The following COLGALT2 variants were observed in gnomAD, a reference collection of about 807,000 sequenced individuals.
The protein encoded by COLGALT2 is collagen beta(1-O)galactosyltransferase 2.
Under a neutral mutation model 73.4 loss-of-function variants are expected in COLGALT2, and 49 were observed. That is an observed-to-expected ratio of 0.67 (90% CI 0.53 to 0.85). The LOEUF is 0.85. Among genes scored for constraint, COLGALT2 ranks in the 40% least tolerant of loss-of-function variants. The pLI is 0.00. For missense variants in COLGALT2, 722 were observed against 790.2 expected (o/e 0.91, Z 1.03); for synonymous variants, 295 against 307.6 (o/e 0.96, Z 0.43).
chr1:183,931,311 A>C (rs1669839354), downstream of COLGALT2, among the ~76,000 whole-genome samples: 4 of 152,042 alleles, frequency 2.6e-5, no homozygotes, highest in African/African-American at 4.8e-5. Context: ...CCCACAAACT[A>C]TCTCGGTCAG....
chr1:184,034,084 C>G (rs533873125), intron 1 of COLGALT2, among the ~76,000 whole-genome samples: 1 of 152,308 alleles, frequency 6.6e-6, no homozygotes, highest in African/African-American at 2.4e-5. Context: ...ACATCCTAAA[C>G]TGAGGTACCA....
intron 11 of COLGALT2, among the ~76,000 whole-genome samples, chr1:183,940,102 C>A (rs998513153): frequency 6.6e-6 from 1 of 152,196 alleles, no homozygotes; most frequent in Non-Finnish European, 1.5e-5. Flanking sequence ...CTTACACACC[C>A]CTGCGATTGC....
intron 1 of COLGALT2, among the ~76,000 whole-genome samples, chr1:184,010,983 G>A (rs1376195910): frequency 6.6e-6 from 1 of 152,144 alleles, no homozygotes; most frequent in Non-Finnish European, 1.5e-5. Context: ...AGGAAGGCCT[G>A]TTTTTAATTC....
At chr1:184,030,535 G>A (rs1026773570) in intron 1 of COLGALT2, among the ~76,000 whole-genome samples, 4 of 152,094 alleles carry the variant, frequency 2.6e-5, no homozygotes, top group South Asian at 2.1e-4. Flanking sequence ...ACTTGGAGAC[G>A]GTGCCACACA....
At chr1:183,957,698 A>G (rs1434232348) in intron 6 of COLGALT2, among the ~76,000 whole-genome samples, 2 of 151,690 alleles carry the variant, frequency 1.3e-5, no homozygotes, top group Non-Finnish European at 2.9e-5. Context: ...AGTCACACTC[A>G]ACACTATATT....
At chr1:183,998,408 T>G (rs541342850) in intron 1 of COLGALT2, among the ~76,000 whole-genome samples, 9 of 152,356 alleles carry the variant, frequency 5.9e-5, no homozygotes, top group African/African-American at 2.2e-4. Context: ...ATTATTTCTC[T>G]GTCGGTTGGT....
intron 1 of COLGALT2, among the ~76,000 whole-genome samples, chr1:184,024,901 C>T (rs925832804): frequency 1.5e-4 from 23 of 152,270 alleles, no homozygotes; most frequent in Middle Eastern, 3.4e-3. Context: ...TCTTGGGCCT[C>T]ACAAGAAGAT....
intron 5 of COLGALT2, among the ~76,000 whole-genome samples, chr1:183,968,989 A>G (rs1670957755): frequency 6.6e-6 from 1 of 152,182 alleles, no homozygotes; most frequent in Non-Finnish European, 1.5e-5. Flanking sequence ...CAGTAGCACC[A>G]CAGAGAAGCA....
At chr1:184,014,225 A>C (rs1030965565) in intron 1 of COLGALT2, among the ~76,000 whole-genome samples, 2 of 152,216 alleles carry the variant, frequency 1.3e-5, no homozygotes, top group Non-Finnish European at 2.9e-5. Flanking sequence ...CCAGGGGAAC[A>C]CCACTTTTAA....
intron 1 of COLGALT2, among the ~76,000 whole-genome samples, chr1:184,018,692 T>C (rs1301529476): frequency 1.3e-5 from 2 of 152,164 alleles, no homozygotes; most frequent in Non-Finnish European, 2.9e-5. Context: ...GCACAAAATA[T>C]CTAAGTGAGA....
rs555158732 is a variant in COLGALT2 at position 183,999,346 on chromosome 1, C to T, written c.264-20826G>A. Reference sequence around the variant, plus strand: ...ATGCAGTATCTTTTTGCTATGTTGTCGGATTTGGTTTATTAGTACTTTGCT... The same window carrying T: ...ATGCAGTATCTTTTTGCTATGTTGTTGGATTTGGTTTATTAGTACTTTGCT... On this transcript the variant is annotated intron_variant, in intron 1 of 11. Coordinates refer to ENST00000361927, the MANE Select transcript of COLGALT2 (RefSeq NM_015101.4). Among the ~76,000 whole-genome samples the T allele has an allele frequency of 5.3e-4, 81 of 151,988 alleles. 1 individual carries two copies. In the South Asian group the frequency reaches 0.016, roughly 31 times the overall value.
intron 6 of COLGALT2, among the ~76,000 whole-genome samples, chr1:183,957,862 T>C (rs896417935): frequency 2.0e-5 from 3 of 151,106 alleles, no homozygotes; most frequent in Admixed American, 1.3e-4. Context: ...TACTGAGTGA[T>C]TGGCAGAGCT....
At chr1:183,951,554 CA>C (rs1346647263) in intron 7 of COLGALT2, among the ~76,000 whole-genome samples, 2 of 152,036 alleles carry the variant, frequency 1.3e-5, no homozygotes, top group Admixed American at 1.3e-4. Context: ...TATATGCTAA[CA>C]ACAATCTGAA....
At chr1:184,006,966 T>C (rs950280927) in intron 1 of COLGALT2, among the ~76,000 whole-genome samples, 1 of 152,232 alleles carries the variant, frequency 6.6e-6, no homozygotes, top group African/African-American at 2.4e-5. Context: ...TTGTTCATTC[T>C]AGTTTTACCA....
chr1:183,935,514 CT>C (rs1669929792), downstream of COLGALT2, among the ~76,000 whole-genome samples: 1 of 152,226 alleles, frequency 6.6e-6, no homozygotes, highest in African/African-American at 2.4e-5. Context: ...ATCACAGTAT[CT>C]CAGTATCTTT....
intron 5 of COLGALT2, among the ~76,000 whole-genome samples, chr1:183,967,114 A>G (rs1670897206): frequency 6.6e-6 from 1 of 152,272 alleles, no homozygotes; most frequent in Non-Finnish European, 1.5e-5. Context: ...AGGCTCATTC[A>G]TGTTTCTCTT....
At position 183,973,643 on chromosome 1, in the gene COLGALT2, A is replaced by G. The variant is rs1450160569; in HGVS notation, c.600T>C (p.Ser200=). The G allele has an allele frequency of 6.2e-7, 1 of 1,614,132 alleles. No homozygotes were observed. The highest frequency in any genetic ancestry group is 8.5e-7 in the Non-Finnish European group (1 of 1,180,006). The change falls in exon 4 of 12, where the codon TCT becomes TCC. Residue 200 remains serine, a synonymous_variant. Coordinates refer to ENST00000361927, the MANE Select transcript of COLGALT2 (RefSeq NM_015101.4). ...TAGGGGTGATTCCGCACCAGAAATT[A>G]GAATACAGGCCCCGAGACTCCAGCA... The part of the protein sequence containing the change: ...APMLESRGLY[S]NFWCGITPKG...
chr1:183,980,341 T>C (rs941139199), intron 1 of COLGALT2, among the ~76,000 whole-genome samples: 2 of 151,982 alleles, frequency 1.3e-5, no homozygotes, highest in Non-Finnish European at 2.9e-5. Flanking sequence ...GTAGTTAACC[T>C]ACCTAAGACA....
chr1:183,992,499 C>T (rs1671655376), intron 1 of COLGALT2, among the ~76,000 whole-genome samples: 1 of 152,170 alleles, frequency 6.6e-6, no homozygotes, highest in Non-Finnish European at 1.5e-5. Flanking sequence ...CTTCATGCCT[C>T]AGAAATATAG....
Sources: gnomAD v4.1 joint callset for allele counts (sites outside exome capture counted in the v4.1 genomes callset) on GRCh38, gnomAD v4.1.1 for gene constraint, MANE v1.5 for transcripts, NCBI Gene and HGNC (gene_info 2026-07-23, HGNC 2026-07-21) for gene names.